Variants in PRIM2 observed in about 807,000 individuals in gnomAD.
PRIM2 encodes the protein DNA primase large subunit.
In PRIM2, 39 loss-of-function variants were observed where a neutral mutation model predicts 67.3. The observed-to-expected ratio is 0.58, with a 90% confidence interval of 0.45 to 0.76. The LOEUF is 0.76. Among genes scored for constraint, PRIM2 ranks in the 30% least tolerant of loss-of-function variants. The probability of loss-of-function intolerance (pLI) is 0.00; values close to 1 mark genes in which losing one functional copy is unlikely to be tolerated. For missense variants in PRIM2, 398 were observed against 598.7 expected (o/e 0.66, Z 3.50); for synonymous variants, 143 against 198.7 (o/e 0.72, Z 2.36).
At chr6:57,643,443 C>T (rs1777280958) in intron 13 of PRIM2, among the ~76,000 whole-genome samples, 1 of 152,110 alleles carries the variant, frequency 6.6e-6, no homozygotes, top group Non-Finnish European at 1.5e-5. Flanking sequence ...ATTCTATGAC[C>T]TTGAATAAAC....
chr6:57,339,698 A>C (rs1202599851), intron 5 of PRIM2, among the ~76,000 whole-genome samples: 1 of 152,220 alleles, frequency 6.6e-6, no homozygotes, highest in Non-Finnish European at 1.5e-5. Flanking sequence ...CTTATACAAA[A>C]ATCAATTCAA....
intron 10 of PRIM2, among the ~76,000 whole-genome samples, chr6:57,538,860 T>TA (rs1234331787): frequency 6.6e-6 from 1 of 152,166 alleles, no homozygotes; most frequent in Non-Finnish European, 1.5e-5. Flanking sequence ...ACACTAGTCT[T>TA]ACGGGATTAG....
At chr6:57,296,984 T>A in the PRIM2 span, among the ~76,000 whole-genome samples, 1 of 151,968 alleles carries the variant, frequency 6.6e-6, no homozygotes, top group Non-Finnish European at 1.5e-5. Flanking sequence ...AAATAATACA[T>A]AAGGAGAGTA....
chr6:57,437,462 C>T (rs1345792826), intron 7 of PRIM2, among the ~76,000 whole-genome samples: 2 of 152,162 alleles, frequency 1.3e-5, no homozygotes, highest in African/African-American at 4.8e-5. Context: ...TGTGCTCCTG[C>T]TCAAACTTTC....
At chr6:57,602,379 A>T (rs1776486805) in intron 11 of PRIM2, among the ~76,000 whole-genome samples, 1 of 152,172 alleles carries the variant, frequency 6.6e-6, no homozygotes, top group African/African-American at 2.4e-5. Context: ...GGTTTTTATC[A>T]CTTATTTCAG....
chr6:57,586,072 C>T (rs1162254262), intron 10 of PRIM2, among the ~76,000 whole-genome samples: 1 of 152,052 alleles, frequency 6.6e-6, no homozygotes, highest in Non-Finnish European at 1.5e-5. Context: ...AGAGTGAGGT[C>T]AACTGGAGGG....
chr6:57,283,655 G>A, the PRIM2 span, among the ~76,000 whole-genome samples: 1 of 152,060 alleles, frequency 6.6e-6, no homozygotes, highest in Non-Finnish European at 1.5e-5. Flanking sequence ...TTTCACTTGA[G>A]CATTATGAAG....
chr6:57,558,653 C>T (rs1401362748), intron 10 of PRIM2, among the ~76,000 whole-genome samples: 10 of 129,994 alleles, frequency 7.7e-5, no homozygotes, highest in Admixed American at 5.9e-4. Flanking sequence ...TGATCTTTAT[C>T]TTTCTTAATA....
chr6:57,601,433 T>A (rs1157090640), intron 11 of PRIM2, among the ~76,000 whole-genome samples: 2 of 152,234 alleles, frequency 1.3e-5, no homozygotes, highest in African/African-American at 4.8e-5. Flanking sequence ...CAGCTGCACT[T>A]CAGTTTGTGC....
At chr6:57,394,033 A>G (rs1232752917) in intron 7 of PRIM2, among the ~76,000 whole-genome samples, 1 of 152,108 alleles carries the variant, frequency 6.6e-6, no homozygotes, top group Non-Finnish European at 1.5e-5. Flanking sequence ...GCCTGTTTTT[A>G]TACCAGTACC....
chr6:57,319,871 G>C (rs1262108826), intron 2 of PRIM2, among the ~76,000 whole-genome samples: 1 of 152,000 alleles, frequency 6.6e-6, no homozygotes, highest in Non-Finnish European at 1.5e-5. Flanking sequence ...GAGACAATTA[G>C]AAGTTCTTCA....
chr6:57,320,795 C>T (rs1361031312), intron 3 of PRIM2, among the ~76,000 whole-genome samples: 1 of 152,144 alleles, frequency 6.6e-6, no homozygotes, highest in Non-Finnish European at 1.5e-5. Context: ...TTCCTTGTTG[C>T]AGGGATTGTT....
At chr6:57,516,495 T>C (rs1279996229) in intron 8 of PRIM2, among the ~76,000 whole-genome samples, 2 of 152,220 alleles carry the variant, frequency 1.3e-5, no homozygotes, top group Non-Finnish European at 2.9e-5. Context: ...AAAAAAGGTA[T>C]AAGAAATGAG....
chr6:57,430,454 T>G (rs1488961844), intron 7 of PRIM2, among the ~76,000 whole-genome samples: 14 of 114,278 alleles, frequency 1.2e-4, no homozygotes, highest in African/African-American at 7.3e-4. Flanking sequence ...TTTGTTTTTT[T>G]TTTTTTTTTT....
chr6:57,338,683 T>G (rs1768358972), intron 5 of PRIM2, among the ~76,000 whole-genome samples: 1 of 145,968 alleles, frequency 6.9e-6, no homozygotes, highest in Non-Finnish European at 1.5e-5. Flanking sequence ...CTCAATAAAT[T>G]AGGTATTGAT....
At chr6:57,384,574 A>G (rs1157258037) in intron 7 of PRIM2, among the ~76,000 whole-genome samples, 7 of 152,158 alleles carry the variant, frequency 4.6e-5, no homozygotes, top group Admixed American at 3.3e-4. Context: ...GTCTATCACT[A>G]AAGCAGCTAT....
the PRIM2 span, among the ~76,000 whole-genome samples, chr6:57,227,185 C>T: frequency 6.6e-6 from 1 of 152,128 alleles, no homozygotes; most frequent in Admixed American, 6.6e-5. Context: ...GACTAGACAA[C>T]TCTCTGACTT....
chr6:57,531,907 T>C (rs1256332037), intron 8 of PRIM2, among the ~76,000 whole-genome samples: 3 of 152,196 alleles, frequency 2.0e-5, no homozygotes, highest in Admixed American at 6.5e-5. Flanking sequence ...GATTGCTTTA[T>C]GTCAGGCTCT....
At chr6:57,517,814 C>G (rs1554348429) in intron 8 of PRIM2, among the ~76,000 whole-genome samples, 2 of 152,028 alleles carry the variant, frequency 1.3e-5, no homozygotes, top group African/African-American at 2.4e-5. Flanking sequence ...CCTGAATGAG[C>G]TGTCCACCTG....
Sources: allele counts gnomAD v4.1 joint callset (sites outside exome capture counted in the v4.1 genomes callset), GRCh38; gene constraint gnomAD v4.1.1; transcripts MANE v1.5; gene names NCBI Gene and HGNC (gene_info 2026-07-23, HGNC 2026-07-21).